GAS2: variants seen among roughly 807,000 people sequenced by gnomAD.
GAS2 encodes the protein growth arrest specific 2.
In GAS2, 20 loss-of-function variants were observed where a neutral mutation model predicts 37.5. The observed-to-expected ratio is 0.53, with a 90% CI of 0.37 to 0.77. The LOEUF is 0.77. GAS2 is among the 30% of genes least tolerant of loss of function. GAS2 has a pLI of 0.00. For synonymous variants in GAS2, 144 were observed against 132.2 expected (o/e 1.09, Z -0.61); for missense variants, 336 against 373.4 (o/e 0.90, Z 0.82).
chr11:22,676,750 T>C (rs1049663576), intron 2 of GAS2, among the ~76,000 whole-genome samples: 1 of 142,618 alleles, frequency 7.0e-6, no homozygotes, highest in African/African-American at 2.5e-5. Context: ...AACATTTGAG[T>C]GTGAAGCAGC....
rs183430369 is a variant in GAS2 at position 22,674,640 on chromosome 11, C to T, written c.-20-210C>T. The T allele has an allele frequency of 5.4e-5, 18 of 335,012 alleles. No homozygotes were observed. In the East Asian group the frequency reaches 6.4e-4, roughly 12 times the overall value. 20.8% of individuals were successfully genotyped at this position (335,012 alleles called of 1,614,324 possible). A position where few individuals can be genotyped will look rare whatever the true frequency, so the allele number is the denominator to read the frequency against. ...TTTCTTGTTTGATTTTCTATTTGACCTTTGATTGCTGCTGTTTTCCTACTA... is the reference window on the plus strand; with the variant it reads ...TTTCTTGTTTGATTTTCTATTTGACTTTTGATTGCTGCTGTTTTCCTACTA... On this transcript the variant is annotated intron_variant, in intron 1 of 7. Coordinates refer to ENST00000454584, the MANE Select transcript of GAS2 (RefSeq NM_001143830.3).
chr11:22,782,002 A>G (rs1021094312), intron 7 of GAS2, among the ~76,000 whole-genome samples: 4 of 152,214 alleles, frequency 2.6e-5, no homozygotes, highest in Non-Finnish European at 5.9e-5. Flanking sequence ...CATTTCATGT[A>G]TATGTTTTTT....
Position 22,698,692 on chromosome 11 carries a change from C to T in GAS2, c.267+12903C>T, listed in dbSNP as rs1205899996. On this transcript the variant is annotated intron_variant, in intron 3 of 7. Coordinates refer to ENST00000454584, the MANE Select transcript of GAS2 (RefSeq NM_001143830.3). ...CACCATGATCAAGTGGGCTTCATCC[C>T]TGGGATGCAAGGCTGGTTCAATATA... 1.1e-4 allele frequency among the ~76,000 whole-genome samples: 17 copies of T among 152,024 alleles called. No individual in the cohort carries two copies. The East Asian group carries it at 2.7e-3, about 24-fold the overall frequency.
intron 4 of GAS2, among the ~76,000 whole-genome samples, chr11:22,730,634 G>C (rs1234418766): frequency 1.3e-5 from 2 of 151,526 alleles, no homozygotes; most frequent in Non-Finnish European, 3.0e-5. Context: ...AAATATTTAG[G>C]ATTGTGCTTT....
At chr11:22,753,161 A>C (rs1166148157) in intron 6 of GAS2, among the ~76,000 whole-genome samples, 1 of 152,086 alleles carries the variant, frequency 6.6e-6, no homozygotes, top group Non-Finnish European at 1.5e-5. Context: ...TTCAGCAGAA[A>C]ACTGGCTGGG....
chr11:22,782,351 TAA>T (rs1855592257), intron 7 of GAS2, among the ~76,000 whole-genome samples: 1 of 152,138 alleles, frequency 6.6e-6, no homozygotes, highest in African/African-American at 2.4e-5. Flanking sequence ...AAAAGAAAAA[TAA>T]AGTTAAGGGG....
chr11:22,643,849 CA>C (rs1848657219), intron 1 of GAS2, among the ~76,000 whole-genome samples: 1 of 152,030 alleles, frequency 6.6e-6, no homozygotes, highest in African/African-American at 2.4e-5. Context: ...CCAGGAAGGA[CA>C]TTTTTTTTCC....
At chr11:22,805,178 A>G (rs889202917) in intron 7 of GAS2, among the ~76,000 whole-genome samples, 1 of 152,092 alleles carries the variant, frequency 6.6e-6, no homozygotes, top group Non-Finnish European at 1.5e-5. Flanking sequence ...TATGACAGTA[A>G]TATCTTTTTT....
At chr11:22,697,860 T>G (rs1287998708) in intron 3 of GAS2, among the ~76,000 whole-genome samples, 1 of 152,174 alleles carries the variant, frequency 6.6e-6, no homozygotes, top group Non-Finnish European at 1.5e-5. Flanking sequence ...ACAATGGGGT[T>G]TTCTAGATAT....
intron 5 of GAS2, among the ~76,000 whole-genome samples, chr11:22,744,524 A>G (rs977076274): frequency 6.6e-6 from 1 of 152,176 alleles, no homozygotes; most frequent in Non-Finnish European, 1.5e-5. Context: ...AATTTACCAC[A>G]TAAACAGAAT....
intron 3 of GAS2, among the ~76,000 whole-genome samples, chr11:22,713,105 A>G (rs1851491933): frequency 1.3e-5 from 2 of 151,386 alleles, no homozygotes; most frequent in Admixed American, 1.3e-4. Flanking sequence ...GGAAAAAAGA[A>G]ATACAAAAAA....
At chr11:22,721,412 G>GA (rs1851941545) in intron 3 of GAS2, among the ~76,000 whole-genome samples, 1 of 151,932 alleles carries the variant, frequency 6.6e-6, no homozygotes, top group Admixed American at 6.6e-5. Context: ...TACAATTTTT[G>GA]AAAATGACTT....
chr11:22,644,004 A>T (rs775766100), intron 1 of GAS2, among the ~76,000 whole-genome samples: 7 of 152,108 alleles, frequency 4.6e-5, no homozygotes, highest in Admixed American at 4.6e-4. Flanking sequence ...TACAACCCAA[A>T]ATGTCTTAAG....
intron 3 of GAS2, among the ~76,000 whole-genome samples, chr11:22,692,566 G>A (rs1050134527): frequency 5.3e-5 from 8 of 152,158 alleles, no homozygotes; most frequent in African/African-American, 1.9e-4. Context: ...AGATGAGAGA[G>A]AAATAGTCGC....
intron 3 of GAS2, among the ~76,000 whole-genome samples, chr11:22,700,282 T>C (rs1388081198): frequency 6.6e-6 from 1 of 152,216 alleles, no homozygotes; most frequent in Non-Finnish European, 1.5e-5. Flanking sequence ...TATTTACCTT[T>C]AGATCCAGAA....
At chr11:22,765,186 A>G (rs753161058) in intron 7 of GAS2, among the ~76,000 whole-genome samples, 7 of 152,180 alleles carry the variant, frequency 4.6e-5, no homozygotes, top group Non-Finnish European at 7.3e-5. Flanking sequence ...GTGTGTGTGT[A>G]TATATGTATG....
In GAS2 at chr11:22,794,811, C is replaced by T. The variant is rs551357706; in HGVS notation, c.724-16987C>T. ...AGGCAAACATGCCAGTGAATTTATCCGTTTGATTTCTGGCCCCCTACATTT... is the reference window on the plus strand; with the variant it reads ...AGGCAAACATGCCAGTGAATTTATCTGTTTGATTTCTGGCCCCCTACATTT... On this transcript the variant is annotated intron_variant, in intron 7 of 7. Coordinates refer to ENST00000454584, the MANE Select transcript of GAS2 (RefSeq NM_001143830.3). Among the ~76,000 whole-genome samples the T allele has an allele frequency of 1.4e-3, 207 of 152,176 alleles. 1 individual carries two copies. Among genetic ancestry groups the T allele is most frequent in the African/African-American group, 4.6e-3 (190 of 41,504 alleles).
chr11:22,771,642 A>G (rs987692311), intron 7 of GAS2, among the ~76,000 whole-genome samples: 7 of 152,344 alleles, frequency 4.6e-5, no homozygotes, highest in Admixed American at 4.6e-4. Flanking sequence ...TAGAAAGCAC[A>G]GCTTACTTAA....
intron 1 of GAS2, among the ~76,000 whole-genome samples, chr11:22,628,758 A>G (rs1449369728): frequency 6.6e-6 from 1 of 152,078 alleles, no homozygotes; most frequent in Non-Finnish European, 1.5e-5. Context: ...TGTACCCAAC[A>G]TGTAGATTTT....
Sources: gnomAD v4.1 joint callset for allele counts (sites outside exome capture counted in the v4.1 genomes callset) on GRCh38, gnomAD v4.1.1 for gene constraint, MANE v1.5 for transcripts, NCBI Gene and HGNC (gene_info 2026-07-23, HGNC 2026-07-21) for gene names.